The following ABCC11 variants were observed in gnomAD, a reference collection of about 807,000 sequenced individuals.
ABCC11 encodes the protein ATP binding cassette subfamily C member 11, also known as ATP-binding cassette sub-family C member 11.
A neutral mutation model predicts 149.3 loss-of-function variants in ABCC11; 135 were observed. The observed-to-expected ratio is 0.90, with a 90% CI of 0.79 to 1.04. The LOEUF is 1.04. Ranked by LOEUF, ABCC11 falls within the 50% of genes least tolerant of loss-of-function variation. The pLI, the probability that ABCC11 is intolerant of heterozygous loss-of-function variation, is 0.00. For synonymous variants in ABCC11, 665 were observed against 671.4 expected, an observed-to-expected ratio of 0.99 and a Z score of 0.15; for missense variants, 1,680 against 1,722.1, an observed-to-expected ratio of 0.98 and a Z score of 0.43.
chr16:48,236,981 C>T (rs1424502110), intron 1 of ABCC11, among the ~76,000 whole-genome samples: 1 of 152,194 alleles, frequency 6.6e-6, no homozygotes, highest in Non-Finnish European at 1.5e-5. Context: ...TTATATCCTA[C>T]TGCTCAAGGT....
chr16:48,244,856 C>T (rs1971264452), intron 1 of ABCC11, among the ~76,000 whole-genome samples: 3 of 152,238 alleles, frequency 2.0e-5, no homozygotes, highest in African/African-American at 4.8e-5. Context: ...ACGCAGTTCC[C>T]TACCGTTCTG....
Position 48,187,227 on chromosome 16 carries a change from G to A in ABCC11, c.2907C>T (p.Ile969=). The A allele has an allele frequency of 6.2e-7, 1 of 1,614,100 alleles. No individual in the cohort carries two copies. The highest frequency in any genetic ancestry group is 8.5e-7 in the Non-Finnish European group (1 of 1,180,028). ...SPYILLMGAI[I]MVICFIYYMM... is the part of the protein sequence containing the mutation. The stretch of plus-strand genomic sequence containing the variant: ...TATAATAAATGAAGCAAATAACCAT[G>A]ATTATGGCTCCCATTAACAGGATAT... Residue 969 remains isoleucine, a synonymous_variant, in exon 21 of 30, where the codon ATC becomes ATT. Transcript: ENST00000356608.
Position 48,200,441 on chromosome 16 carries a change from T to C in ABCC11, c.1917A>G (p.Lys639=). ...CGGCGCGGGCCAGGCTGATCCTCTGTTTCTGCCCCCCAGAGAGGTTGAGGC... is the reference window on the plus strand; with the variant it reads ...CGGCGCGGGCCAGGCTGATCCTCTGCTTCTGCCCCCCAGAGAGGTTGAGGC... ...ERGLNLSGGQ[K]QRISLARAVY... is the part of the protein sequence containing the mutation. Residue 639 remains lysine (K), a synonymous_variant, in exon 15 of 30, where the codon AAA becomes AAG. Transcript: ENST00000356608. 1.9e-6 allele frequency: 3 copies of C among 1,614,210 alleles called. No individual in the cohort carries two copies. Among genetic ancestry groups the C allele is most frequent in the Non-Finnish European group, 2.5e-6 (3 of 1,180,030 alleles).
intron 25 of ABCC11, 90 bp downstream of exon 25, chr16:48,176,834 A>C: frequency 1.4e-6 from 2 of 1,402,700 alleles, no homozygotes; most frequent in Non-Finnish European, 1.9e-6. Context: ...TATTTGGGGG[A>C]TGACTGAGCA....
intron 2 of ABCC11, 145 bp from the exon 3 acceptor site, chr16:48,230,718 G>T: frequency 1.0e-6 from 1 of 996,380 alleles, no homozygotes; most frequent in Non-Finnish European, 1.4e-6. Flanking sequence ...AATAAGCAGG[G>T]GACCGAGAGT....
intron 13 of ABCC11, among the ~76,000 whole-genome samples, chr16:48,204,644 G>A (rs907571687): frequency 3.3e-5 from 5 of 152,140 alleles, no homozygotes; most frequent in Non-Finnish European, 7.4e-5. Context: ...TAATTGTGAG[G>A]TGTCCACAGG....
At chr16:48,233,272 T>C (rs1970522408) in intron 1 of ABCC11, among the ~76,000 whole-genome samples, 1 of 152,230 alleles carries the variant, frequency 6.6e-6, no homozygotes, top group South Asian at 2.1e-4. Flanking sequence ...GCTAACCCAT[T>C]ACTTTGTGAG....
At chr16:48,193,623 G>A (rs1339993314) in intron 19 of ABCC11, among the ~76,000 whole-genome samples, 1 of 152,226 alleles carries the variant, frequency 6.6e-6, no homozygotes, top group Non-Finnish European at 1.5e-5. Context: ...GATTCTTGGG[G>A]CACTGTCTGG....
chr16:48,222,046 C>G (rs2150894920), intron 6 of ABCC11, among the ~76,000 whole-genome samples: 1 of 151,416 alleles, frequency 6.6e-6, no homozygotes, highest in African/African-American at 2.4e-5. Context: ...TCCTGAGTAG[C>G]TGGGTCTACA....
chr16:48,203,831 T>C (rs1198691508), intron 13 of ABCC11, among the ~76,000 whole-genome samples: 1 of 152,184 alleles, frequency 6.6e-6, no homozygotes, highest in Non-Finnish European at 1.5e-5. Context: ...GATCACGCCA[T>C]TGTACTCCAG....
At chr16:48,171,210 C>A (rs1392878320) in intron 26 of ABCC11, among the ~76,000 whole-genome samples, 1 of 152,210 alleles carries the variant, frequency 6.6e-6, no homozygotes, top group East Asian at 1.9e-4. Context: ...TGTTCCAGGG[C>A]AGGCTCCACC....
At chr16:48,210,828 G>A in intron 11 of ABCC11, 120 bp downstream of exon 11, 1 of 1,339,508 alleles carries the variant, frequency 7.5e-7, no homozygotes, top group Non-Finnish European at 1.0e-6. Context: ...ATTTTAAGGG[G>A]AGAGATCTTG....
At chr16:48,185,961 A>C (rs1204091521) in intron 22 of ABCC11, among the ~76,000 whole-genome samples, 1 of 151,984 alleles carries the variant, frequency 6.6e-6, no homozygotes, top group African/African-American at 2.4e-5. Context: ...CCCACACTTC[A>C]TCTCAGGGTC....
Position 48,175,356 on chromosome 16 carries a change from G to C in ABCC11, c.3600C>G (p.Leu1200=). ...RLVEPMAGRI[L]IDGVDICSIG... Reference sequence around the variant, plus strand: ...TGCTGCAAATGTCCACGCCGTCAATGAGAATCCGGCCTGCCATGGGCTCCA... The same window carrying C: ...TGCTGCAAATGTCCACGCCGTCAATCAGAATCCGGCCTGCCATGGGCTCCA... The change falls in exon 26 of 30, where the codon CTC becomes CTG. Residue 1200 remains leucine (L), a synonymous_variant. Coordinates refer to ENST00000356608, the MANE Select transcript of ABCC11 (RefSeq NM_001370497.1). 6.2e-7 allele frequency: 1 copy of C among 1,614,166 alleles called. No individual in the cohort carries two copies. The highest frequency in any genetic ancestry group is 1.1e-5 in the South Asian group (1 of 91,088).
intron 14 of ABCC11, among the ~76,000 whole-genome samples, chr16:48,202,964 G>A (rs960556405): frequency 2.6e-5 from 4 of 152,286 alleles, no homozygotes; most frequent in East Asian, 3.9e-4. Context: ...CAGGGTCTCC[G>A]CTCTTGCTTC....
At chr16:48,232,868 A>G (rs922881310) in intron 1 of ABCC11, among the ~76,000 whole-genome samples, 1 of 152,212 alleles carries the variant, frequency 6.6e-6, no homozygotes, top group African/African-American at 2.4e-5. Flanking sequence ...CCCACAAATT[A>G]TGTAGTTGGT....
At chr16:48,229,295 G>C (rs1970277550) in intron 3 of ABCC11, among the ~76,000 whole-genome samples, 1 of 151,928 alleles carries the variant, frequency 6.6e-6, no homozygotes, top group African/African-American at 2.4e-5. Context: ...CTTTGTTCTT[G>C]GTGGAGATAA....
At chr16:48,204,079 G>A (rs1596757261) in intron 13 of ABCC11, among the ~76,000 whole-genome samples, 1 of 152,196 alleles carries the variant, frequency 6.6e-6, no homozygotes, top group East Asian at 1.9e-4. Context: ...GCTCCTGTGA[G>A]CAATGCAGTG....
chr16:48,167,164 G>C lies in ABCC11; in HGVS notation c.*110C>G. The stretch of plus-strand genomic sequence containing the variant: ...CCCCCTACATTTACCCCTGCTTCCA[G>C]GAGAAGTTCTCATCTCCAAACAAGA... On this transcript the variant is annotated 3_prime_UTR_variant, in exon 30 of 30. Transcript: ENST00000356608. The C allele has an allele frequency of 5.1e-6, 3 of 583,226 alleles. No homozygotes were observed. The highest frequency in any genetic ancestry group is 6.5e-6 in the Non-Finnish European group (2 of 308,162). The allele number at this position is 583,226 out of a possible 1,614,324, so 36.1% of individuals were successfully genotyped here. A position where few individuals can be genotyped will look rare whatever the true frequency, so the allele number is the denominator to read the frequency against.
Sources: allele counts gnomAD v4.1 joint callset (sites outside exome capture counted in the v4.1 genomes callset), GRCh38; gene constraint gnomAD v4.1.1; transcripts MANE v1.5; gene names NCBI Gene and HGNC (gene_info 2026-07-23, HGNC 2026-07-21).